The following PLXNB1 variants were observed in gnomAD, a reference collection of about 807,000 sequenced individuals.
PLXNB1 encodes plexin-B1.
PLXNB1 carries 106 observed loss-of-function variants against 209.4 expected under a neutral mutation model. The ratio of observed to expected loss-of-function variants is 0.51; its 90% CI spans 0.43 to 0.59. PLXNB1 has a LOEUF of 0.59. Ranked by LOEUF, PLXNB1 falls within the 20% of genes least tolerant of loss-of-function variation. The pLI is 0.00. For missense variants in PLXNB1, 2,357 were observed against 2,853.2 expected (o/e 0.83, Z 3.96); for synonymous variants, 1,167 against 1,183.2 (o/e 0.99, Z 0.28).
rs1050226289 is a variant in PLXNB1, at chr3:48,417,044, C to A, written c.3375-593G>T. On this transcript the variant is annotated intron_variant, in intron 16 of 37. Transcript: ENST00000296440. The surrounding 1 kb of genome is among the most constrained non-coding windows in gnomAD (Gnocchi z 4.4). ...AGTTGTTGCAAACACTAGGAAGACA[C>A]AAGTGACGTGTGAGCCACCCAGGGG... 6.6e-6 allele frequency among the ~76,000 whole-genome samples: 1 copy of A among 152,194 alleles called. No individual in the cohort carries two copies. Among genetic ancestry groups the A allele is most frequent in the African/African-American group, 2.4e-5 (1 of 41,450 alleles).
Position 48,424,542 on chromosome 3 carries a change from G to T in PLXNB1, c.70C>A (p.Pro24Thr). Residue 24 changes from proline (P) to threonine (T), a missense_variant, in exon 3 of 38, where the codon CCA (proline) becomes ACA (threonine). Physicochemically the swap from Pro to Thr is conservative, Grantham distance 38. This residue lies in a region of PLXNB1 where 107 missense variants were observed against 167.2 expected (regional missense o/e 0.64). Transcript: ENST00000296440. ...CCATTGGGAGTGAATGCAGTTGGTG[G>T]AAGGGGCTGGAGGGTGAGGACCCAC... ...AGWVLTLQPLPPTAFTPNGTY... is the reference protein window; with the variant it reads ...AGWVLTLQPLTPTAFTPNGTY... 6.3e-7 allele frequency: 1 copy of T among 1,578,400 alleles called. No homozygotes were observed. Among genetic ancestry groups the T allele is most frequent in the Non-Finnish European group, 8.6e-7 (1 of 1,163,398 alleles).
chr3:48,429,767 G>A lies in PLXNB1; in HGVS notation c.-60+241C>T, dbSNP rs930162185. On this transcript the variant is annotated intron_variant, in intron 1 of 37. Coordinates refer to ENST00000296440, the MANE Select transcript of PLXNB1 (RefSeq NM_001130082.3). This position sits in a 1 kb window ranked among gnomAD's most constrained non-coding sequence, Gnocchi z 6.4. The stretch of plus-strand genomic sequence containing the variant: ...GTCGGCCTCACCTGCTCGCCTCCTT[G>A]GAACCGGAACTGGGAACTTTCCTGG... Among the ~76,000 whole-genome samples the A allele has an allele frequency of 3.3e-5, 5 of 152,022 alleles. No individual in the cohort carries two copies. The highest frequency in any genetic ancestry group is 7.4e-5 in the Non-Finnish European group (5 of 67,962).
At chr3:48,425,899 C>A (rs1202369413) in intron 1 of PLXNB1, among the ~76,000 whole-genome samples, 1 of 152,048 alleles carries the variant, frequency 6.6e-6, no homozygotes, top group Admixed American at 6.6e-5. Flanking sequence ...GACACAGCCA[C>A]CCATGTTCAA....
rs543222835 is a variant in PLXNB1, at chr3:48,404,116, T to G, written c.*370A>C. 4 of 198,538 alleles carry G rather than the reference T, an allele frequency of 2.0e-5. No individual in the cohort carries two copies. Among genetic ancestry groups the G allele is most frequent in the East Asian group, 2.5e-4 (2 of 7,884 alleles). 12.3% of individuals were successfully genotyped at this position (198,538 alleles called of 1,614,324 possible). On this transcript the variant is annotated 3_prime_UTR_variant, in exon 38 of 38. Transcript: ENST00000296440. Reference sequence around the variant, plus strand: ...AGGAGGCAGACAGGAAGCATGGGGCTCTCCTCCTTCCTCTCCGAATCCCAG... The same window carrying G: ...AGGAGGCAGACAGGAAGCATGGGGCGCTCCTCCTTCCTCTCCGAATCCCAG...
At position 48,415,148 on chromosome 3, in the gene PLXNB1, A is replaced by T; in HGVS notation, c.3966+28T>A. The T allele has an allele frequency of 6.2e-7, 1 of 1,607,072 alleles. No individual in the cohort carries two copies. The highest frequency in any genetic ancestry group is 8.5e-7 in the Non-Finnish European group (1 of 1,174,860). ...AGGGTGTGGTATGGGGCAAGGGGAG[A>T]GTGTGGGGGTACCCAAGGGTGTCCT... On this transcript the variant is annotated intron_variant, in intron 20 of 37. Coordinates refer to ENST00000296440, the MANE Select transcript of PLXNB1 (RefSeq NM_001130082.3). The surrounding 1 kb of genome is among the most constrained non-coding windows in gnomAD (Gnocchi z 5.0).
At position 48,423,982 on chromosome 3, in the gene PLXNB1, G is replaced by GCGGC; in HGVS notation, c.626_629dup (p.Leu211ProfsTer33). ...CGAAGTGGTGGCTGTACTCGGAGAG[G>GCGGC]CGGCCCACTGCCAGCTTGGCTGTCT... On this transcript the variant is annotated frameshift_variant, in exon 3 of 38. Coordinates refer to ENST00000296440, the MANE Select transcript of PLXNB1 (RefSeq NM_001130082.3). LOFTEE classifies it high-confidence loss of function. 6.2e-7 allele frequency: 1 copy of GCGGC among 1,613,608 alleles called. No individual in the cohort carries two copies. Among genetic ancestry groups the GCGGC allele is most frequent in the Non-Finnish European group, 8.5e-7 (1 of 1,179,852 alleles).
chr3:48,404,670 C>A, intron 37 of PLXNB1, 80 bp from the exon 38 acceptor site: 3 of 921,044 alleles, frequency 3.3e-6, no homozygotes, highest in Non-Finnish European at 5.0e-6. Context: ...CCTCCTAAGA[C>A]GCTGTGGCAT....
Position 48,419,351 on chromosome 3 carries a change from C to T in PLXNB1, c.2725G>A (p.Gly909Arg). Reference sequence around the variant, plus strand: ...TCCACACAGGGGCAGGAGCTTGCCCCCAAGGTCGCCTCTTCCTGCAGGCAC... The same window carrying T: ...TCCACACAGGGGCAGGAGCTTGCCCTCAAGGTCGCCTCTTCCTGCAGGCAC... ...GLWELEEATL[G>R]ASSCPCVESV... Residue 909 changes from glycine to arginine, a missense_variant, in exon 12 of 38, where the codon GGG becomes AGG. By Grantham distance (125) the Gly-to-Arg change is moderately radical (BLOSUM62 -2). Transcript: ENST00000296440. This position sits in a 1 kb window ranked among gnomAD's most constrained non-coding sequence, Gnocchi z 5.7. 1 of 1,568,380 alleles carries T rather than the reference C, an allele frequency of 6.4e-7. No homozygotes were observed. The highest frequency in any genetic ancestry group is 1.2e-5 in the South Asian group (1 of 86,200).
At position 48,413,918 on chromosome 3, in the gene PLXNB1, G is replaced by A. The variant is rs1209810106; in HGVS notation, c.4363C>T (p.Pro1455Ser). 2.5e-6 allele frequency: 4 copies of A among 1,610,762 alleles called. No homozygotes were observed. The East Asian group carries it at 8.9e-5, about 36-fold the overall frequency. ...LPRHHALREA[P>S]DSLPEFTVQM... is the part of the protein sequence containing the mutation. ...ACCGTGAACTCAGGCAAAGAGTCAG[G>A]TGCCTCTCGGAGGGCATGGTGCCGT... Residue 1455 changes from proline (P) to serine (S), a missense_variant, in exon 22 of 38, where the codon CCT (proline) becomes TCT (serine). By Grantham distance (74) the Pro-to-Ser change is moderately conservative. This residue lies in a region of PLXNB1 where 743 missense variants were observed against 896.2 expected (regional missense o/e 0.83). Coordinates refer to ENST00000296440, the MANE Select transcript of PLXNB1 (RefSeq NM_001130082.3). This position sits in a 1 kb window ranked among gnomAD's most constrained non-coding sequence, Gnocchi z 5.4.
Position 48,416,265 on chromosome 3 carries a change from A to G in PLXNB1, c.3480+81T>C. ...CTGGCCCAGGACTGGGAGCCCCACC[A>G]AGGAATAACCAGATGGGTTGAGAGG... On this transcript the variant is annotated intron_variant, in intron 17 of 37. Transcript: ENST00000296440. This position sits in a 1 kb window ranked among gnomAD's most constrained non-coding sequence, Gnocchi z 4.1. The G allele has an allele frequency of 6.5e-7, 1 of 1,550,006 alleles. No individual in the cohort carries two copies. Among genetic ancestry groups the G allele is most frequent in the Non-Finnish European group, 8.8e-7 (1 of 1,131,098 alleles).
At position 48,405,106 on chromosome 3, in the gene PLXNB1, C is replaced by A. The variant is rs1470313713; in HGVS notation, c.6304-516G>T. Among the ~76,000 whole-genome samples the A allele has an allele frequency of 2.0e-5, 3 of 152,228 alleles. No homozygotes were observed. Among genetic ancestry groups the A allele is most frequent in the African/African-American group, 7.2e-5 (3 of 41,458 alleles). On this transcript the variant is annotated intron_variant, in intron 37 of 37. Transcript: ENST00000296440. This position sits in a 1 kb window ranked among gnomAD's most constrained non-coding sequence, Gnocchi z 5.0. ...GACATGCCTGCATCACACCCTGCCT[C>A]CCCCAAGCCCCGTGCCATGGCCCAC...
In PLXNB1 at chr3:48,415,296, C is replaced by A; in HGVS notation, c.3846G>T (p.Thr1282=). 1 of 1,613,582 alleles carries A rather than the reference C, an allele frequency of 6.2e-7. No individual in the cohort carries two copies. The highest frequency in any genetic ancestry group is 8.5e-7 in the Non-Finnish European group (1 of 1,179,994). ...VRGQNLDVVQ[T]PRIRVTVVSR... ...AGACCACGGTCACCCGGATTCTTGGCGTCTGTACCACGTCCAGATTCTGGC... is the reference window on the plus strand; with the variant it reads ...AGACCACGGTCACCCGGATTCTTGGAGTCTGTACCACGTCCAGATTCTGGC... The change falls in exon 20 of 38, where the codon ACG becomes ACT. Residue 1282 remains threonine, a synonymous_variant. Transcript: ENST00000296440. This position sits in a 1 kb window ranked among gnomAD's most constrained non-coding sequence, Gnocchi z 5.0.
In PLXNB1 at chr3:48,418,277, C is replaced by A. The variant is rs201947390; in HGVS notation, c.3136G>T (p.Gly1046Trp). ...CGGGTCACACAACGTGGACGCTCCCCCTCACACCACACACAGCCATACTGG... is the reference window on the plus strand; with the variant it reads ...CGGGTCACACAACGTGGACGCTCCCACTCACACCACACACAGCCATACTGG... ...MPQYGCVWCE[G>W]ERPRCVTREA... Residue 1046 changes from glycine to tryptophan, a missense_variant, in exon 15 of 38, where the codon GGG becomes TGG. Physicochemically the swap from Gly to Trp is radical, Grantham distance 184. Transcript: ENST00000296440. The surrounding 1 kb of genome is among the most constrained non-coding windows in gnomAD (Gnocchi z 6.6). 6.2e-7 allele frequency: 1 copy of A among 1,613,674 alleles called. No homozygotes were observed. The highest frequency in any genetic ancestry group is 1.1e-5 in the South Asian group (1 of 91,086).
chr3:48,420,921 C>G lies in PLXNB1; in HGVS notation c.1846G>C (p.Ala616Pro), dbSNP rs769648220. 3 of 1,613,884 alleles carry G rather than the reference C, an allele frequency of 1.9e-6. No homozygotes were observed. In the South Asian group the frequency reaches 3.3e-5, roughly 18 times the overall value. ...VSVSVELRFG[A>P]VVIAKTSLSF... ...AGGGAAGTTTTGGCGATCACAACAG[C>G]GCCAAATCTGAGCTCCACGCTCACG... The change falls in exon 9 of 38, where the codon GCT (alanine) becomes CCT (proline). Residue 616 changes from alanine (A) to proline (P), a missense_variant. Transcript: ENST00000296440.
chr3:48,408,505 A>G (rs2037451359), intron 34 of PLXNB1, among the ~76,000 whole-genome samples: 1 of 152,074 alleles, frequency 6.6e-6, no homozygotes, highest in African/African-American at 2.4e-5. Flanking sequence ...TTTGACTGCT[A>G]TGACAATAGA....
In PLXNB1 at chr3:48,411,896, G is replaced by A. The variant is rs756035385; in HGVS notation, c.5214C>T (p.Arg1738=). The A allele has an allele frequency of 5.0e-6, 8 of 1,614,126 alleles. No individual in the cohort carries two copies. The Admixed American group carries it at 5.0e-5, about 10-fold the overall frequency. The part of the protein sequence containing the change: ...GKAKYTLNDN[R]LLREDVEYRP... The stretch of plus-strand genomic sequence containing the variant: ...GGTACTCCACATCCTCTCTGAGCAG[G>A]CGGTTGTCGTTCAAGGTGTATTTGG... The change falls in exon 28 of 38, where the codon CGC becomes CGT. Residue 1738 remains arginine, a synonymous_variant. Transcript: ENST00000296440. The surrounding 1 kb of genome is among the most constrained non-coding windows in gnomAD (Gnocchi z 4.0).
chr3:48,418,609 T>A lies in PLXNB1; in HGVS notation c.2956-67A>T. ...AGTGTCAGGCCTGGGGAGGGGTTAG[T>A]CAGAGAAAGGACTAAAACGACCAGT... On this transcript the variant is annotated intron_variant, in intron 13 of 37. Transcript: ENST00000296440. This position sits in a 1 kb window ranked among gnomAD's most constrained non-coding sequence, Gnocchi z 6.6. 7.5e-7 allele frequency: 1 copy of A among 1,341,520 alleles called. No individual in the cohort carries two copies. The highest frequency in any genetic ancestry group is 1.0e-6 in the Non-Finnish European group (1 of 957,672). The allele number at this position is 1,341,520 out of a possible 1,614,324, so 83.1% of individuals were successfully genotyped here. A position where few individuals can be genotyped will look rare whatever the true frequency, so the allele number is the denominator to read the frequency against.
At position 48,423,636 on chromosome 3, in the gene PLXNB1, G is replaced by C; in HGVS notation, c.976C>G (p.Leu326Val). 4.3e-6 allele frequency: 7 copies of C among 1,614,204 alleles called. No individual in the cohort carries two copies. The highest frequency in any genetic ancestry group is 5.9e-6 in the Non-Finnish European group (7 of 1,180,034). The change falls in exon 3 of 38, where the codon CTG becomes GTG. Residue 326 changes from leucine (L) to valine (V), a missense_variant. Leu to Val is a conservative substitution (Grantham distance 32). Coordinates refer to ENST00000296440, the MANE Select transcript of PLXNB1 (RefSeq NM_001130082.3). ...SGASALCAFPLDEVDRLANRT... is the reference protein window; with the variant it reads ...SGASALCAFPVDEVDRLANRT... The stretch of plus-strand genomic sequence containing the variant: ...TTAGCAAGCCGGTCCACCTCATCCA[G>C]GGGGAAGGCACAGAGGGCAGAGGCT...
In PLXNB1 at chr3:48,418,475, C is replaced by G; in HGVS notation, c.3023G>C (p.Arg1008Pro). 1.2e-6 allele frequency: 2 copies of G among 1,612,868 alleles called. No homozygotes were observed. Among genetic ancestry groups the G allele is most frequent in the Non-Finnish European group, 1.7e-6 (2 of 1,179,664 alleles). The part of the protein sequence containing the change: ...GLFLRRAGRL[R>P]VDSAEGLHVV... Reference sequence around the variant, plus strand: ...ATGCAGCCCCTCAGCACTGTCCACACGCAGACGGCCGGCCCGACGCAGAAA... The same window carrying G: ...ATGCAGCCCCTCAGCACTGTCCACAGGCAGACGGCCGGCCCGACGCAGAAA... The change falls in exon 14 of 38, where the codon CGT (arginine) becomes CCT (proline). Residue 1008 changes from arginine to proline, a missense_variant. Transcript: ENST00000296440. This position sits in a 1 kb window ranked among gnomAD's most constrained non-coding sequence, Gnocchi z 6.6.
Sources: gnomAD v4.1 joint callset for allele counts (sites outside exome capture counted in the v4.1 genomes callset) on GRCh38, gnomAD v4.1.1 for gene constraint, gnomAD v4.1.1 regional missense constraint, Gnocchi (gnomAD v3.1) non-coding constraint, MANE v1.5 for transcripts, NCBI Gene and HGNC (gene_info 2026-07-23, HGNC 2026-07-21) for gene names.